POU2F1: variants seen among roughly 807,000 people sequenced by gnomAD.
POU2F1 encodes the protein POU class 2 homeobox 1, also known as POU domain, class 2, transcription factor 1.
In POU2F1, 16 loss-of-function variants were observed where a neutral mutation model predicts 84.9. The observed-to-expected ratio is 0.19, with a 90% confidence interval of 0.13 to 0.29. POU2F1 has a LOEUF of 0.29. Ranked by LOEUF, POU2F1 falls within the 10% of genes least tolerant of loss-of-function variation. The pLI is 1.00. For synonymous variants in POU2F1, 368 were observed against 368.3 expected, an observed-to-expected ratio of 1.00 and a Z score of 0.01; for missense variants, 738 against 942.6, an observed-to-expected ratio of 0.78 and a Z score of 2.84.
intron 1 of POU2F1, among the ~76,000 whole-genome samples, chr1:167,325,955 T>C (rs540926165): frequency 6.6e-6 from 1 of 152,040 alleles, no homozygotes; most frequent in South Asian, 2.1e-4. Context: ...TTGTCCCCTC[T>C]TTTAGAAAAT....
chr1:167,268,661 A>G (rs1440917653), intron 1 of POU2F1, among the ~76,000 whole-genome samples: 1 of 152,216 alleles, frequency 6.6e-6, no homozygotes, highest in African/African-American at 2.4e-5. Context: ...ACACACAACC[A>G]GTGAAGCTTT....
chr1:167,237,746 GTATA>G (rs58988722), intron 1 of POU2F1, among the ~76,000 whole-genome samples: 735 of 72,930 alleles, frequency 0.01, 39 homozygotes, highest in African/African-American at 0.038. Context: ...ATGTGTGTGT[GTATA>G]TATATATATA....
At chr1:167,396,450 T>G (rs758517740) in intron 10 of POU2F1, 23 bp downstream of exon 10, 3 of 1,600,618 alleles carry the variant, frequency 1.9e-6, no homozygotes, top group Non-Finnish European at 2.6e-6. Flanking sequence ...ATAAGACATT[T>G]CTTTGTCATT....
intron 1 of POU2F1, among the ~76,000 whole-genome samples, chr1:167,252,076 G>C (rs974580171): frequency 4.0e-5 from 6 of 151,652 alleles, no homozygotes; most frequent in Non-Finnish European, 7.4e-5. Context: ...TGGCCAGGCT[G>C]GTCTGGAATG....
intron 1 of POU2F1, among the ~76,000 whole-genome samples, chr1:167,246,849 T>G (rs553461188): frequency 1.8e-4 from 27 of 152,308 alleles, no homozygotes; most frequent in Admixed American, 5.9e-4. Context: ...CTATGTACTT[T>G]ATGGAAGGAG....
At chr1:167,365,073 C>T (rs1050085076) in intron 2 of POU2F1, among the ~76,000 whole-genome samples, 1 of 152,152 alleles carries the variant, frequency 6.6e-6, no homozygotes, top group African/African-American at 2.4e-5. Context: ...TTGGCAAAGT[C>T]GCCAGTGAAT....
chr1:167,364,877 C>T (rs535303877), intron 2 of POU2F1, among the ~76,000 whole-genome samples: 2 of 152,232 alleles, frequency 1.3e-5, no homozygotes, highest in Admixed American at 6.5e-5. Context: ...CCTCGCATAA[C>T]ATTTTGAAAA....
chr1:167,255,516 A>G (rs1384708873), intron 1 of POU2F1, among the ~76,000 whole-genome samples: 1 of 152,220 alleles, frequency 6.6e-6, no homozygotes, highest in East Asian at 1.9e-4. Flanking sequence ...AAACAAGCAT[A>G]CATTAAAGAA....
chr1:167,323,059 T>C (rs1656438343), intron 1 of POU2F1, among the ~76,000 whole-genome samples: 1 of 152,206 alleles, frequency 6.6e-6, no homozygotes, highest in South Asian at 2.1e-4. Context: ...ATGGCCAGAT[T>C]TGGGGGCCTA....
intron 9 of POU2F1, among the ~76,000 whole-genome samples, chr1:167,395,460 G>A (rs1480300319): frequency 6.6e-6 from 1 of 152,068 alleles, no homozygotes; most frequent in Non-Finnish European, 1.5e-5. Flanking sequence ...ATACTTGATA[G>A]GGAAAAGAAG....
intron 12 of POU2F1, among the ~76,000 whole-genome samples, chr1:167,400,293 G>A (rs1434795314): frequency 6.6e-6 from 1 of 151,990 alleles, no homozygotes; most frequent in Non-Finnish European, 1.5e-5. Context: ...ACTGCGCCCA[G>A]CCCACCTATC....
chr1:167,264,569 G>A (rs1456895613), intron 1 of POU2F1, among the ~76,000 whole-genome samples: 1 of 152,108 alleles, frequency 6.6e-6, no homozygotes, highest in Non-Finnish European at 1.5e-5. Context: ...ACACAGTCCA[G>A]TTTGTGTTTT....
chr1:167,412,056 T>A lies in POU2F1; in HGVS notation c.1653T>A (p.Pro551=). 2 of 1,614,158 alleles carry A rather than the reference T, an allele frequency of 1.2e-6. No individual in the cohort carries two copies. The highest frequency in any genetic ancestry group is 1.7e-6 in the Non-Finnish European group (2 of 1,179,998). ...CGTCCCCCTCTCTGAGTCCCTCCCC[T>A]TCTGCCTCAGCCTCCACCTCCGAGG... ...AVTSPSLSPS[P]SASASTSEAS... is the part of the protein sequence containing the mutation. Residue 551 remains proline (P), a synonymous_variant, in exon 14 of 16, where the codon CCT becomes CCA. Transcript: ENST00000367866.
intron 1 of POU2F1, among the ~76,000 whole-genome samples, chr1:167,269,127 T>C (rs1652181253): frequency 6.6e-6 from 1 of 152,088 alleles, no homozygotes; most frequent in African/African-American, 2.4e-5. Flanking sequence ...TACTTTTCAT[T>C]GGGATTGAAC....
chr1:167,251,855 T>C (rs572071970), intron 1 of POU2F1, among the ~76,000 whole-genome samples: 78 of 151,740 alleles, frequency 5.1e-4, no homozygotes, highest in African/African-American at 1.9e-3. Flanking sequence ...TATCTTTTTT[T>C]TTTTTTTTAA....
intron 2 of POU2F1, among the ~76,000 whole-genome samples, chr1:167,357,801 A>AT (rs71572451): frequency 0.018 from 2,100 of 119,218 alleles, 38 homozygotes; most frequent in East Asian, 0.036. Context: ...TTATTAATTG[A>AT]TTTTTTTTTT....
intron 1 of POU2F1, among the ~76,000 whole-genome samples, chr1:167,243,068 C>T (rs1242334276): frequency 6.6e-6 from 1 of 152,094 alleles, no homozygotes. Context: ...TACTGTTCTT[C>T]AGTGCCGCTA....
intron 13 of POU2F1, among the ~76,000 whole-genome samples, chr1:167,405,792 A>G (rs1649532555): frequency 1.3e-5 from 2 of 152,186 alleles, no homozygotes; most frequent in African/African-American, 4.8e-5. Context: ...ACAGCAGAAA[A>G]CACATCCTTT....
chr1:167,264,792 A>G (rs12725824), intron 1 of POU2F1, among the ~76,000 whole-genome samples: 3 of 152,138 alleles, frequency 2.0e-5, no homozygotes, highest in Non-Finnish European at 2.9e-5. Flanking sequence ...TATTCTAGAC[A>G]GTTACCAGTT....
Sources: gnomAD v4.1 joint callset for allele counts (sites outside exome capture counted in the v4.1 genomes callset) on GRCh38, gnomAD v4.1.1 for gene constraint, MANE v1.5 for transcripts, NCBI Gene and HGNC (gene_info 2026-07-23, HGNC 2026-07-21) for gene names.